PELP1: variants seen among roughly 807,000 people sequenced by gnomAD.
The protein encoded by PELP1 is proline-, glutamic acid- and leucine-rich protein 1.
A neutral mutation model predicts 95.5 loss-of-function variants in PELP1; 32 were observed. The observed-to-expected ratio is 0.34, with a 90% CI of 0.25 to 0.45. The LOEUF is 0.45. PELP1 is among the 20% of genes least tolerant of loss of function. The pLI is 1.00. For synonymous variants in PELP1, 668 were observed against 600.1 expected, an observed-to-expected ratio of 1.11 and a Z score of -1.65; for missense variants, 1,358 against 1,444.8, an observed-to-expected ratio of 0.94 and a Z score of 0.97.
In PELP1 at chr17:4,689,604, C is replaced by T. The variant is rs552708969; in HGVS notation, c.420+1284G>A. On this transcript the variant is annotated intron_variant, in intron 3 of 16. Transcript: ENST00000572293. ...TTGATCCAGCAATCCCACTACTGGA[C>T]ATCTACCAGAGGAAAAGAAGCCATT... is the stretch of plus-strand genomic sequence containing the variant. Among the ~76,000 whole-genome samples, 16 of 152,304 alleles carry T rather than the reference C, an allele frequency of 1.1e-4. No homozygotes were observed. In the South Asian group the frequency reaches 1.9e-3, roughly 18 times the overall value.
intron 3 of PELP1, 142 bp from the exon 4 acceptor site, chr17:4,683,094 G>A (rs2150558277): frequency 1.5e-6 from 2 of 1,323,662 alleles, no homozygotes; most frequent in Non-Finnish European, 1.9e-6. Flanking sequence ...CAGAAAAGAG[G>A]GTGTGGAGAC....
intron 3 of PELP1, among the ~76,000 whole-genome samples, chr17:4,685,693 C>T (rs1404271571): frequency 6.7e-6 from 1 of 148,964 alleles, no homozygotes; most frequent in African/African-American, 2.5e-5. Flanking sequence ...TTGGTGGGTG[C>T]GGTGGGGGGT....
rs761015186 is a variant in PELP1, at chr17:4,673,487, C to T, written c.1639-31G>A. 1 of 1,574,340 alleles carries T rather than the reference C, an allele frequency of 6.4e-7. No homozygotes were observed. Among genetic ancestry groups the T allele is most frequent in the Admixed American group, 1.8e-5 (1 of 55,646 alleles). Reference sequence around the variant, plus strand: ...AAGGACAGAGCACACCTGGAAACATCCCCAAGACCACCCAACCCTTCTCCA... The same window carrying T: ...AAGGACAGAGCACACCTGGAAACATTCCCAAGACCACCCAACCCTTCTCCA... On this transcript the variant is annotated intron_variant, in intron 14 of 16. Coordinates refer to ENST00000572293, the MANE Select transcript of PELP1 (RefSeq NM_014389.3). The surrounding 1 kb of genome is among the most constrained non-coding windows in gnomAD (Gnocchi z 5.7).
At chr17:4,703,593 A>G (rs1913635990) in intron 1 of PELP1, among the ~76,000 whole-genome samples, 1 of 152,110 alleles carries the variant, frequency 6.6e-6, no homozygotes, top group South Asian at 2.1e-4. Context: ...ACAACTAGTG[A>G]GTGACCGGGC....
At chr17:4,691,802 A>G (rs1913112734) in intron 1 of PELP1, 1 of 213,864 alleles carries the variant, frequency 4.7e-6, no homozygotes, top group Non-Finnish European at 9.3e-6. Flanking sequence ...TGCTTGCTGA[A>G]TGGACACTGA....
At chr17:4,694,895 T>C (rs989025814) in intron 1 of PELP1, among the ~76,000 whole-genome samples, 5 of 147,920 alleles carry the variant, frequency 3.4e-5, no homozygotes, top group East Asian at 2.0e-4. Flanking sequence ...CGCTTGAACC[T>C]GAGAGAATCG....
chr17:4,678,556 G>C (rs923160523), intron 5 of PELP1, among the ~76,000 whole-genome samples: 1 of 152,186 alleles, frequency 6.6e-6, no homozygotes, highest in East Asian at 1.9e-4. Flanking sequence ...AAGCGACACG[G>C]CTCTAACCAC....
Position 4,675,839 on chromosome 17 carries a change from C to G in PELP1, c.1026G>C (p.Leu342=). The change falls in exon 9 of 17, where the codon CTG becomes CTC. Residue 342 remains leucine, a synonymous_variant. Coordinates refer to ENST00000572293, the MANE Select transcript of PELP1 (RefSeq NM_014389.3). This position sits in a 1 kb window ranked among gnomAD's most constrained non-coding sequence, Gnocchi z 4.3. ...CGCTGAGGGTCCGGCAGATGAAATC[C>G]AGGATTTCCTGCACAGGGACGGACA... ...APVSVPVQEI[L]DFICRTLSVS... is the part of the protein sequence containing the mutation. The G allele has an allele frequency of 6.3e-7, 1 of 1,591,246 alleles. No individual in the cohort carries two copies. Among genetic ancestry groups the G allele is most frequent in the Non-Finnish European group, 8.6e-7 (1 of 1,168,886 alleles).
intron 5 of PELP1, among the ~76,000 whole-genome samples, chr17:4,678,962 T>C (rs1331202908): frequency 6.6e-6 from 1 of 152,080 alleles, no homozygotes; most frequent in Non-Finnish European, 1.5e-5. Context: ...CAGATTCTTA[T>C]CTGAAGTGCT....
chr17:4,679,130 G>T (rs1007289917), intron 5 of PELP1, among the ~76,000 whole-genome samples: 2 of 151,814 alleles, frequency 1.3e-5, no homozygotes, highest in African/African-American at 4.8e-5. Flanking sequence ...AGCTTCAGGG[G>T]ATCTCCTGCC....
rs1912342807 is a variant in PELP1 at position 4,673,864 on chromosome 17, T to C, written c.1583-190A>G. The C allele has an allele frequency of 6.9e-6, 4 of 577,170 alleles. No individual in the cohort carries two copies. Among genetic ancestry groups the C allele is most frequent in the Admixed American group, 3.0e-5 (1 of 33,736 alleles). The allele number at this position is 577,170 out of a possible 1,614,324, so 35.8% of individuals were successfully genotyped here. A position where few individuals can be genotyped will look rare whatever the true frequency, so the allele number is the denominator to read the frequency against. ...GTATAGGGCCACTGACGGTATTTAATTGAGACAATGTAAGTAAAAAATTAT... is the reference window on the plus strand; with the variant it reads ...GTATAGGGCCACTGACGGTATTTAACTGAGACAATGTAAGTAAAAAATTAT... On this transcript the variant is annotated intron_variant, in intron 13 of 16. Transcript: ENST00000572293. The surrounding 1 kb of genome is among the most constrained non-coding windows in gnomAD (Gnocchi z 5.7).
rs372758488 is a variant in PELP1, at chr17:4,671,982, G to A, written c.3009C>T (p.Pro1003=). 2.3e-4 allele frequency: 349 copies of A among 1,544,922 alleles called. 1 individual carries two copies. Among genetic ancestry groups the A allele is most frequent in the Middle Eastern group, 2.1e-3 (12 of 5,652 alleles). The part of the protein sequence containing the change: ...PKVQPEPEPE[P]GLLLEVEEPG... ...GCTCCTCCACTTCCAAAAGCAGCCC[G>A]GGTTCAGGTTCGGGTTCTGGCTGCA... The change falls in exon 16 of 17, where the codon CCC becomes CCT. Residue 1003 remains proline, a synonymous_variant. Coordinates refer to ENST00000572293, the MANE Select transcript of PELP1 (RefSeq NM_014389.3).
At chr17:4,697,517 G>C (rs1200486462) in intron 1 of PELP1, among the ~76,000 whole-genome samples, 1 of 152,102 alleles carries the variant, frequency 6.6e-6, no homozygotes, top group Non-Finnish European at 1.5e-5. Flanking sequence ...CTGTCTCAAT[G>C]AAACAAACAA....
At chr17:4,689,025 G>A (rs917517619) in intron 3 of PELP1, among the ~76,000 whole-genome samples, 1 of 152,190 alleles carries the variant, frequency 6.6e-6, no homozygotes, top group East Asian at 1.9e-4. Context: ...ACAGAAGGGA[G>A]AACCCAGATA....
At chr17:4,683,290 G>C (rs1301485651) in intron 3 of PELP1, among the ~76,000 whole-genome samples, 2 of 147,654 alleles carry the variant, frequency 1.4e-5, no homozygotes. Flanking sequence ...GCGCGATCTC[G>C]GCTCACTGCA....
Position 4,673,889 on chromosome 17 carries a change from T to C in PELP1, c.1583-215A>G. On this transcript the variant is annotated intron_variant, in intron 13 of 16. Transcript: ENST00000572293. This position sits in a 1 kb window ranked among gnomAD's most constrained non-coding sequence, Gnocchi z 5.7. The stretch of plus-strand genomic sequence containing the variant: ...TTGAGACAATGTAAGTAAAAAATTA[T>C]AAATTTTATAATTTTGCATTTATAT... The C allele has an allele frequency of 1.8e-6, 1 of 553,210 alleles. No homozygotes were observed. The highest frequency in any genetic ancestry group is 3.2e-6 in the Non-Finnish European group (1 of 309,976). The allele number at this position is 553,210 out of a possible 1,614,324, so 34.3% of individuals were successfully genotyped here. A position where few individuals can be genotyped will look rare whatever the true frequency, so the allele number is the denominator to read the frequency against.
At position 4,703,914 on chromosome 17, in the gene PELP1, C is replaced by A. The variant is rs772576596; in HGVS notation, c.198G>T (p.Leu66Phe). The A allele has an allele frequency of 6.2e-7, 1 of 1,613,516 alleles. No homozygotes were observed. The highest frequency in any genetic ancestry group is 8.5e-7 in the Non-Finnish European group (1 of 1,179,732). ...VHPPNRSAPH[L>F]PGLMCLLRLH... ...GCCGCAATAGGCACATGAGCCCGGG[C>A]AAATGTGGGGCCGAGCGGTTTGGGG... The change falls in exon 1 of 17, where the codon TTG (leucine) becomes TTT (phenylalanine). Residue 66 changes from leucine (L) to phenylalanine (F), a missense_variant. Leu to Phe is a conservative substitution (Grantham distance 22). Around this residue, in one of 7 missense-constraint regions of PELP1, gnomAD observed 169 missense variants for 134.9 expected, o/e 1.25. Coordinates refer to ENST00000572293, the MANE Select transcript of PELP1 (RefSeq NM_014389.3).
intron 5 of PELP1, among the ~76,000 whole-genome samples, chr17:4,680,239 C>G (rs1003419867): frequency 6.6e-6 from 1 of 152,154 alleles, no homozygotes. Context: ...CCTCCAAGAA[C>G]TTACTTTCTT....
chr17:4,695,649 G>C (rs1395915542), intron 1 of PELP1, among the ~76,000 whole-genome samples: 1 of 104,554 alleles, frequency 9.6e-6, no homozygotes, highest in East Asian at 3.2e-4. Context: ...CTGGGCAAAA[G>C]AGTGAGACCC....
Sources: gnomAD v4.1 joint callset for allele counts (sites outside exome capture counted in the v4.1 genomes callset) on GRCh38, gnomAD v4.1.1 for gene constraint, gnomAD v4.1.1 regional missense constraint, Gnocchi (gnomAD v3.1) non-coding constraint, MANE v1.5 for transcripts, NCBI Gene and HGNC (gene_info 2026-07-23, HGNC 2026-07-21) for gene names.